DAB1: variants seen among roughly 807,000 people sequenced by gnomAD.
DAB1 encodes the protein DAB adaptor protein 1.
In DAB1, 15 loss-of-function variants were observed where a neutral mutation model predicts 64.6. The ratio of observed to expected loss-of-function variants is 0.23; its 90% CI spans 0.16 to 0.36. The LOEUF is 0.36. Among genes scored for constraint, DAB1 ranks in the 10% least tolerant of loss-of-function variants. The pLI, the probability that DAB1 is intolerant of heterozygous loss-of-function variation, is 1.00. For missense variants in DAB1, 596 were observed against 706.7 expected, an observed-to-expected ratio of 0.84 and a Z score of 1.78; for synonymous variants, 235 against 251.9, an observed-to-expected ratio of 0.93 and a Z score of 0.64.
At chr1:57,272,955 A>G (rs577798690) in intron 2 of DAB1, among the ~76,000 whole-genome samples, 29 of 152,296 alleles carry the variant, frequency 1.9e-4, no homozygotes, top group East Asian at 1.2e-3. Flanking sequence ...TGGGCTATCA[A>G]TGTAATAGCT....
At chr1:57,594,335 C>G (rs911016196) in intron 7 of DAB1, among the ~76,000 whole-genome samples, 15 of 152,192 alleles carry the variant, frequency 9.9e-5, no homozygotes, top group African/African-American at 3.6e-4. Flanking sequence ...GCAAAAGAAT[C>G]ACGGATTTGA....
chr1:57,773,758 A>G (rs1649670307), intron 6 of DAB1, among the ~76,000 whole-genome samples: 1 of 151,982 alleles, frequency 6.6e-6, no homozygotes, highest in Non-Finnish European at 1.5e-5. Flanking sequence ...TGGTAAAAAG[A>G]GTCTTTTCTC....
intron 5 of DAB1, among the ~76,000 whole-genome samples, chr1:57,934,634 G>C (rs1645000841): frequency 1.3e-5 from 2 of 152,096 alleles, no homozygotes; most frequent in Admixed American, 1.3e-4. Flanking sequence ...AGTATTGAGG[G>C]AATTTTTCAT....
chr1:57,387,084 A>G (rs529282688), intron 1 of DAB1: 1 of 152,280 alleles, frequency 6.6e-6, no homozygotes, highest in African/African-American at 2.4e-5. Context: ...TAACAGTAAG[A>G]CTTTGGATTT....
intron 4 of DAB1, among the ~76,000 whole-genome samples, chr1:58,285,670 G>C (rs1176447356): frequency 6.6e-6 from 1 of 152,118 alleles, no homozygotes; most frequent in Non-Finnish European, 1.5e-5. Flanking sequence ...AATCAGACAG[G>C]ACACAAACAA....
intron 7 of DAB1, among the ~76,000 whole-genome samples, chr1:57,474,941 T>C (rs1333365467): frequency 5.3e-5 from 8 of 152,032 alleles, no homozygotes. Context: ...CTGTGCTCCG[T>C]AAAGAAGATG....
chr1:57,413,741 C>CA, intron 1 of DAB1, among the ~76,000 whole-genome samples: 1 of 90,016 alleles, frequency 1.1e-5, no homozygotes, highest in South Asian at 3.4e-4. Context: ...AAGACTCTGT[C>CA]TCAAAAAAAA....
chr1:57,900,048 C>T (rs1418256044), intron 5 of DAB1, among the ~76,000 whole-genome samples: 1 of 152,034 alleles, frequency 6.6e-6, no homozygotes, highest in East Asian at 1.9e-4. Flanking sequence ...AAGCTGTCCT[C>T]CCATTTCGGC....
In DAB1 at chr1:58,355,093, A is replaced by T. The variant is rs534488548; in HGVS notation, n.258-11690T>A. ...CTGTTCTGGGTGTTATAAGAAACTT[A>T]AAAAAGCTGAGAAATGGTTTCTGAT... On this transcript the variant is annotated intron_variant and non_coding_transcript_variant, in intron 3 of 20. Transcript: ENST00000485760. 2.1e-4 allele frequency among the ~76,000 whole-genome samples: 32 copies of T among 152,292 alleles called. 1 individual carries two copies. The South Asian group carries it at 2.7e-3, about 13-fold the overall frequency.
At chr1:57,441,272 CTCTTTCTTTCTT>C (rs60171938) in intron 7 of DAB1, among the ~76,000 whole-genome samples, 256 of 72,614 alleles carry the variant, frequency 3.5e-3, no homozygotes, top group African/African-American at 7.8e-3. Context: ...TTCTTTCTTT[CTCTTTCTTTCTT>C]TCTTTCTTTC....
chr1:58,518,538 G>A (rs949515982), intron 2 of DAB1, among the ~76,000 whole-genome samples: 1 of 151,852 alleles, frequency 6.6e-6, no homozygotes, highest in African/African-American at 2.4e-5. Context: ...GCTAGTACTG[G>A]AGATGGGAAC....
At chr1:58,539,002 G>A in intron 1 of DAB1, 1 of 872,848 alleles carries the variant, frequency 1.1e-6, no homozygotes. Flanking sequence ...ATTCCATACA[G>A]TACATTTGCT....
chr1:57,754,002 G>A (rs77206101), intron 6 of DAB1, among the ~76,000 whole-genome samples: 9,066 of 152,246 alleles, frequency 0.06, 403 homozygotes, highest in East Asian at 0.16. Flanking sequence ...GACAAATGAA[G>A]CCCAGAGAGT....
At chr1:58,508,132 C>T (rs1015018498) in intron 2 of DAB1, among the ~76,000 whole-genome samples, 1 of 152,066 alleles carries the variant, frequency 6.6e-6, no homozygotes, top group African/African-American at 2.4e-5. Flanking sequence ...TTAATTATCC[C>T]TACAGACTAG....
chr1:57,049,097 T>A (rs1234000371), intron 9 of DAB1, among the ~76,000 whole-genome samples: 1 of 152,040 alleles, frequency 6.6e-6, no homozygotes, highest in Non-Finnish European at 1.5e-5. Flanking sequence ...AGTCCTGGAC[T>A]GAGAACAGAA....
chr1:57,485,688 A>G (rs1644081726), intron 7 of DAB1, among the ~76,000 whole-genome samples: 1 of 152,168 alleles, frequency 6.6e-6, no homozygotes, highest in Non-Finnish European at 1.5e-5. Context: ...CCTCTTCTTT[A>G]AAAAGGAAAT....
At chr1:57,849,163 TG>T (rs1408749647) in intron 1 of DAB1, among the ~76,000 whole-genome samples, 1 of 152,178 alleles carries the variant, frequency 6.6e-6, no homozygotes, top group African/African-American at 2.4e-5. Flanking sequence ...ATACCAGCCC[TG>T]GAGCACTATG....
chr1:57,556,957 A>C (rs1479494718), intron 7 of DAB1, among the ~76,000 whole-genome samples: 2 of 152,100 alleles, frequency 1.3e-5, no homozygotes, highest in African/African-American at 4.8e-5. Context: ...TTTTTGTATA[A>C]GGTGAGAGAC....
intron 5 of DAB1, among the ~76,000 whole-genome samples, chr1:57,906,311 T>G (rs1644550479): frequency 6.6e-6 from 1 of 152,192 alleles, no homozygotes; most frequent in Admixed American, 6.5e-5. Context: ...TCTTTAATCC[T>G]CAAAACATCC....
Sources: gnomAD v4.1 joint callset for allele counts (sites outside exome capture counted in the v4.1 genomes callset) on GRCh38, gnomAD v4.1.1 for gene constraint, MANE v1.5 for transcripts, NCBI Gene and HGNC (gene_info 2026-07-23, HGNC 2026-07-21) for gene names.